Variants in PFKFB2 observed in about 807,000 individuals in gnomAD.
The protein encoded by PFKFB2 is 6-phosphofructo-2-kinase/fructose-2,6-bisphosphatase 2.
In PFKFB2, 53 loss-of-function variants were observed where a neutral mutation model predicts 68.0. The observed-to-expected ratio is 0.78, with a 90% CI of 0.63 to 0.98. The LOEUF is 0.98. Ranked by LOEUF, PFKFB2 falls within the 50% of genes least tolerant of loss-of-function variation. The pLI, the probability that PFKFB2 is intolerant of heterozygous loss-of-function variation, is 0.00. For missense variants in PFKFB2, 451 were observed against 642.0 expected (o/e 0.70, Z 3.22); for synonymous variants, 222 against 227.6 (o/e 0.98, Z 0.22).
Position 207,074,344 on chromosome 1 carries a change from A to G in PFKFB2, c.*1973A>G, listed in dbSNP as rs1683562279. ...CCTGGAAGGCAGGCTGCTGTGTTTT[A>G]GAGGGTTATTCTAGGTTCTAGTCCC... On this transcript the variant is annotated 3_prime_UTR_variant, in exon 15 of 15. Coordinates refer to ENST00000367080, the MANE Select transcript of PFKFB2 (RefSeq NM_006212.2). The G allele has an allele frequency of 2.0e-6, 2 of 985,320 alleles. No homozygotes were observed. Among genetic ancestry groups the G allele is most frequent in the Admixed American group, 6.1e-5 (1 of 16,272 alleles). 61.0% of individuals were successfully genotyped at this position (985,320 alleles called of 1,614,324 possible).
rs751154099 is a variant in PFKFB2, at chr1:207,063,120, G to A, written c.309-23G>A. On this transcript the variant is annotated intron_variant, in intron 4 of 14. Coordinates refer to ENST00000367080, the MANE Select transcript of PFKFB2 (RefSeq NM_006212.2). This position sits in a 1 kb window ranked among gnomAD's most constrained non-coding sequence, Gnocchi z 4.1. The stretch of plus-strand genomic sequence containing the variant: ...CTGTTTGAGCTTAGCTCTCCTTGCT[G>A]GTTTCATTTGCTCTTATGGCAGACA... The A allele has an allele frequency of 1.9e-6, 3 of 1,606,246 alleles. No individual in the cohort carries two copies. Among genetic ancestry groups the A allele is most frequent in the Middle Eastern group, 1.7e-4 (1 of 5,898 alleles).
rs992416663 is a variant in PFKFB2 at position 207,076,562 on chromosome 1, T to C, written c.*4191T>C. 3.0e-6 allele frequency: 3 copies of C among 985,272 alleles called. No individual in the cohort carries two copies. In the African/African-American group the frequency reaches 5.2e-5, roughly 17 times the overall value. 61.0% of individuals were successfully genotyped at this position (985,272 alleles called of 1,614,324 possible). ...CTGAAGGTGACACAGATGTCAGAAT[T>C]GTGTCCAGGGATTTAATTTAGACCC... On this transcript the variant is annotated 3_prime_UTR_variant, in exon 15 of 15. Transcript: ENST00000367080.
At chr1:207,068,110 G>GTGTGTGTC in intron 9 of PFKFB2, 53 bp from the exon 10 acceptor site, 2 of 1,448,628 alleles carry the variant, frequency 1.4e-6, no homozygotes, top group Non-Finnish European at 1.9e-6. Flanking sequence ...GTGTGTGTGT[G>GTGTGTGTC]TGTGTGTCTG....
In PFKFB2 at chr1:207,070,595, G is replaced by A. The variant is rs931110342; in HGVS notation, c.1222+186G>A. Reference sequence around the variant, plus strand: ...CTTGCTGAGTTCACTCTGCTGCTACGAAAGCTTCCAATGGAGAGTGGCTGC... The same window carrying A: ...CTTGCTGAGTTCACTCTGCTGCTACAAAAGCTTCCAATGGAGAGTGGCTGC... On this transcript the variant is annotated intron_variant, in intron 12 of 14. Coordinates refer to ENST00000367080, the MANE Select transcript of PFKFB2 (RefSeq NM_006212.2). The surrounding 1 kb of genome is among the most constrained non-coding windows in gnomAD (Gnocchi z 4.2). 13 of 594,788 alleles carry A rather than the reference G, an allele frequency of 2.2e-5. No individual in the cohort carries two copies. Among genetic ancestry groups the A allele is most frequent in the African/African-American group, 9.4e-5 (5 of 53,008 alleles). 36.8% of individuals were successfully genotyped at this position (594,788 alleles called of 1,614,324 possible). A position where few individuals can be genotyped will look rare whatever the true frequency, so the allele number is the denominator to read the frequency against.
At chr1:207,054,503 G>A (rs1038287073) in intron 1 of PFKFB2, among the ~76,000 whole-genome samples, 198 bp from the exon 2 acceptor site, 2 of 152,194 alleles carry the variant, frequency 1.3e-5, no homozygotes, top group Non-Finnish European at 2.9e-5. Context: ...TAAATGTAAG[G>A]TTCTAGTGCA....
At chr1:207,050,800 G>T, upstream of PFKFB2, 1 of 1,613,392 alleles carries the variant, frequency 6.2e-7, no homozygotes, top group Non-Finnish European at 8.5e-7. Flanking sequence ...CGGTGATGGC[G>T]GCAATTTGGC....
intron 2 of PFKFB2, among the ~76,000 whole-genome samples, chr1:207,060,065 T>G (rs1480058674): frequency 6.6e-6 from 1 of 152,186 alleles, no homozygotes; most frequent in Non-Finnish European, 1.5e-5. Flanking sequence ...TCAGTGTGGT[T>G]TTTGGCCCCG....
chr1:207,068,489 G>T (rs1000066312), intron 10 of PFKFB2, among the ~76,000 whole-genome samples, 180 bp downstream of exon 10: 2 of 152,132 alleles, frequency 1.3e-5, no homozygotes, highest in Non-Finnish European at 2.9e-5. Context: ...CTAATCAGGG[G>T]TTTCCTGCCT....
Position 207,072,636 on chromosome 1 carries a change from C to G in PFKFB2, c.*265C>G. On this transcript the variant is annotated 3_prime_UTR_variant, in exon 15 of 15. Transcript: ENST00000367080. ...AGGACAGATTCTCAGATGGGATGAT[C>G]TGGAGGAGGAGGAAAAAGATACACT... 2 of 1,226,720 alleles carry G rather than the reference C, an allele frequency of 1.6e-6. No homozygotes were observed. The highest frequency in any genetic ancestry group is 2.0e-6 in the Non-Finnish European group (2 of 979,936). The allele number at this position is 1,226,720 out of a possible 1,614,324, so 76.0% of individuals were successfully genotyped here.
chr1:207,061,152 T>TA (rs1683093502), intron 2 of PFKFB2, among the ~76,000 whole-genome samples: 9 of 105,644 alleles, frequency 8.5e-5, no homozygotes, highest in Admixed American at 1.1e-4. Context: ...TTTATATATA[T>TA]TTATATATAT....
Position 207,072,861 on chromosome 1 carries a change from C to T in PFKFB2, c.*490C>T, listed in dbSNP as rs1191839660. ...TCCTTACTTGACTGCTTTCTTCCCC[C>T]ACTTTCATGTCCCCTCTGGATTGTC... On this transcript the variant is annotated 3_prime_UTR_variant, in exon 15 of 15. Coordinates refer to ENST00000367080, the MANE Select transcript of PFKFB2 (RefSeq NM_006212.2). The T allele has an allele frequency of 1.0e-6, 1 of 990,274 alleles. No individual in the cohort carries two copies. The highest frequency in any genetic ancestry group is 1.2e-6 in the Non-Finnish European group (1 of 833,196). 61.3% of individuals were successfully genotyped at this position (990,274 alleles called of 1,614,324 possible). A position where few individuals can be genotyped will look rare whatever the true frequency, so the allele number is the denominator to read the frequency against.
intron 2 of PFKFB2, among the ~76,000 whole-genome samples, chr1:207,058,408 C>A (rs115834779): frequency 2.0e-4 from 31 of 152,280 alleles, no homozygotes; most frequent in African/African-American, 6.7e-4. Context: ...CGTGAGGGAA[C>A]CTTTGTCAAG....
intron 12 of PFKFB2, 21 bp from the exon 13 acceptor site, chr1:207,071,167 G>A (rs371738308): frequency 1.2e-4 from 189 of 1,604,540 alleles, no homozygotes; most frequent in Admixed American, 1.8e-4. Context: ...GACTTCCCTC[G>A]CCTGGTCTTT....
intron 2 of PFKFB2, among the ~76,000 whole-genome samples, chr1:207,057,940 G>A (rs1211434773): frequency 1.3e-5 from 2 of 152,150 alleles, no homozygotes; most frequent in Admixed American, 6.5e-5. Flanking sequence ...ATTCTTACAC[G>A]TACACCTTTG....
intron 2 of PFKFB2, among the ~76,000 whole-genome samples, chr1:207,060,268 C>T (rs1683048283): frequency 3.3e-5 from 5 of 152,252 alleles, no homozygotes. Flanking sequence ...AGACAAGTCA[C>T]CTGTCCCCTG....
chr1:207,063,458 G>GT lies in PFKFB2; in HGVS notation c.450+38dup. On this transcript the variant is annotated intron_variant, in intron 6 of 14. Coordinates refer to ENST00000367080, the MANE Select transcript of PFKFB2 (RefSeq NM_006212.2). This position sits in a 1 kb window ranked among gnomAD's most constrained non-coding sequence, Gnocchi z 4.1. Reference sequence around the variant, plus strand: ...CTCCATGTTGGAGGAAAAGGGATGAGTAGAGGTGGGGAGTCAGGCTACAGG... The same window carrying GT: ...CTCCATGTTGGAGGAAAAGGGATGAGTTAGAGGTGGGGAGTCAGGCTACAGG... 1 of 1,433,630 alleles carries GT rather than the reference G, an allele frequency of 7.0e-7. No homozygotes were observed. The highest frequency in any genetic ancestry group is 9.8e-7 in the Non-Finnish European group (1 of 1,020,500). 88.8% of individuals were successfully genotyped at this position (1,433,630 alleles called of 1,614,324 possible).
chr1:207,042,996 T>C (rs1349528922), intron 2 of PFKFB2, among the ~76,000 whole-genome samples: 1 of 152,080 alleles, frequency 6.6e-6, no homozygotes, highest in Non-Finnish European at 1.5e-5. Flanking sequence ...TAAACCACCA[T>C]GGTGATAGCC....
At chr1:207,056,614 T>G (rs1376070702) in intron 2 of PFKFB2, among the ~76,000 whole-genome samples, 2 of 151,936 alleles carry the variant, frequency 1.3e-5, no homozygotes, top group Non-Finnish European at 2.9e-5. Context: ...CAGTAATCCC[T>G]GGTTTCTTTC....
chr1:207,074,914 C>T lies in PFKFB2; in HGVS notation c.*2543C>T. 2.0e-6 allele frequency: 2 copies of T among 985,474 alleles called. No individual in the cohort carries two copies. The highest frequency in any genetic ancestry group is 1.2e-6 in the Non-Finnish European group (1 of 829,972). 61.0% of individuals were successfully genotyped at this position (985,474 alleles called of 1,614,324 possible). A position where few individuals can be genotyped will look rare whatever the true frequency, so the allele number is the denominator to read the frequency against. On this transcript the variant is annotated 3_prime_UTR_variant, in exon 15 of 15. Transcript: ENST00000367080. ...GGGTTGGGGGATGGGGATGCCCCCA[C>T]CACCACCAGTGTGAGAATGAGATAT...
Sources: allele counts gnomAD v4.1 joint callset (sites outside exome capture counted in the v4.1 genomes callset), GRCh38; gene constraint gnomAD v4.1.1; non-coding constraint Gnocchi (gnomAD v3.1); transcripts MANE v1.5; gene names NCBI Gene and HGNC (gene_info 2026-07-23, HGNC 2026-07-21).